Variants in GUCY1A2 observed in about 807,000 individuals in gnomAD.
GUCY1A2 encodes guanylate cyclase soluble subunit alpha-2.
A neutral mutation model predicts 63.5 loss-of-function variants in GUCY1A2; 27 were observed. The observed-to-expected ratio is 0.43, with a 90% confidence interval of 0.31 to 0.59. The LOEUF (loss-of-function observed/expected upper bound fraction) is 0.59, where lower values mean the gene tolerates loss of function less well. GUCY1A2 is among the 20% of genes least tolerant of loss of function. GUCY1A2 has a pLI of 0.11. For synonymous variants in GUCY1A2, 364 were observed against 343.5 expected (o/e 1.06, Z -0.66); for missense variants, 768 against 913.3 (o/e 0.84, Z 2.05).
intron 1 of GUCY1A2, among the ~76,000 whole-genome samples, chr11:107,006,483 C>T (rs1861672517): frequency 6.6e-6 from 1 of 152,170 alleles, no homozygotes; most frequent in Non-Finnish European, 1.5e-5. Context: ...GGCTGATAGG[C>T]ATTTTTCAAG....
intron 4 of GUCY1A2, among the ~76,000 whole-genome samples, chr11:106,903,628 G>C (rs1860164439): frequency 6.6e-6 from 1 of 152,146 alleles, no homozygotes; most frequent in Admixed American, 6.6e-5. Flanking sequence ...TATCCGAACA[G>C]AGAGTCATGC....
intron 4 of GUCY1A2, among the ~76,000 whole-genome samples, chr11:106,910,189 A>G (rs561798784): frequency 1.3e-5 from 2 of 152,142 alleles, no homozygotes; most frequent in African/African-American, 4.8e-5. Context: ...GCCATAGTAA[A>G]TAATGTTTTC....
At chr11:106,869,057 G>A (rs1415252063) in intron 4 of GUCY1A2, among the ~76,000 whole-genome samples, 2 of 152,182 alleles carry the variant, frequency 1.3e-5, no homozygotes, top group African/African-American at 4.8e-5. Flanking sequence ...CTAGCCATAT[G>A]TAGAAAGCTG....
At chr11:106,847,402 T>C (rs1859291171) in intron 4 of GUCY1A2, among the ~76,000 whole-genome samples, 1 of 151,410 alleles carries the variant, frequency 6.6e-6, no homozygotes, top group Admixed American at 6.6e-5. Flanking sequence ...AAGAAATAAA[T>C]AGGATCTTAC....
intron 1 of GUCY1A2, among the ~76,000 whole-genome samples, chr11:106,998,862 T>G (rs1861574926): frequency 6.6e-6 from 1 of 152,228 alleles, no homozygotes; most frequent in East Asian, 1.9e-4. Flanking sequence ...AAATGCTATA[T>G]ATTATTATTT....
At chr11:106,848,014 G>T (rs906294795) in intron 4 of GUCY1A2, among the ~76,000 whole-genome samples, 1 of 151,512 alleles carries the variant, frequency 6.6e-6, no homozygotes, top group African/African-American at 2.4e-5. Context: ...TCTGGACACT[G>T]ATTACTTAAA....
intron 5 of GUCY1A2, among the ~76,000 whole-genome samples, chr11:106,778,663 CAA>C (rs999087028): frequency 6.9e-6 from 1 of 144,374 alleles, no homozygotes; most frequent in African/African-American, 2.5e-5. Context: ...TCCATCATCT[CAA>C]AAAAAAAAGA....
At chr11:106,827,859 C>T in intron 4 of GUCY1A2, 1 of 1,599,308 alleles carries the variant, frequency 6.3e-7, no homozygotes, top group Non-Finnish European at 8.6e-7. Context: ...CATGAACTTC[C>T]CTGCAGTCAT....
chr11:106,682,738 CT>C lies in GUCY1A2; in HGVS notation c.*4810del, dbSNP rs1244827388. ...TAAAAATATTAATCACTTTATAAAA[CT>C]ATTTTAGAATATGGGATTAGCTGTG... is the stretch of plus-strand genomic sequence containing the variant. On this transcript the variant is annotated 3_prime_UTR_variant, in exon 8 of 8. Coordinates refer to ENST00000526355, the MANE Select transcript of GUCY1A2 (RefSeq NM_000855.3). 1 of 209,694 alleles carries C rather than the reference CT, an allele frequency of 4.8e-6. No homozygotes were observed. Among genetic ancestry groups the C allele is most frequent in the Non-Finnish European group, 9.7e-6 (1 of 103,176 alleles). The allele number at this position is 209,694 out of a possible 1,614,324, so 13.0% of individuals were successfully genotyped here. A position where few individuals can be genotyped will look rare whatever the true frequency, so the allele number is the denominator to read the frequency against.
intron 3 of GUCY1A2, among the ~76,000 whole-genome samples, chr11:106,969,766 A>G (rs1357815290): frequency 3.9e-5 from 6 of 152,144 alleles, no homozygotes; most frequent in Admixed American, 3.9e-4. Flanking sequence ...CTGTTTGGTA[A>G]CAGAAGCAGT....
chr11:106,830,844 C>A (rs1859040940), intron 4 of GUCY1A2, among the ~76,000 whole-genome samples: 1 of 152,108 alleles, frequency 6.6e-6, no homozygotes, highest in African/African-American at 2.4e-5. Flanking sequence ...AAGCATAGGC[C>A]AGTACCCACA....
At chr11:106,901,891 G>T (rs1340640463) in intron 4 of GUCY1A2, among the ~76,000 whole-genome samples, 1 of 152,032 alleles carries the variant, frequency 6.6e-6, no homozygotes, top group Non-Finnish European at 1.5e-5. Context: ...TATCACTGAC[G>T]GACATTTTGG....
chr11:106,789,630 G>C (rs1278843996), intron 5 of GUCY1A2, among the ~76,000 whole-genome samples: 1 of 152,108 alleles, frequency 6.6e-6, no homozygotes, highest in Non-Finnish European at 1.5e-5. Flanking sequence ...TGTCCTTCTT[G>C]GGAAGGCTTT....
At chr11:106,811,974 C>A (rs1858767819) in intron 4 of GUCY1A2, among the ~76,000 whole-genome samples, 1 of 151,930 alleles carries the variant, frequency 6.6e-6, no homozygotes, top group African/African-American at 2.4e-5. Context: ...CTAAAATAGG[C>A]TCTCAAAATA....
At chr11:106,957,629 CGA>C (rs1565343533) in intron 3 of GUCY1A2, among the ~76,000 whole-genome samples, 1 of 151,808 alleles carries the variant, frequency 6.6e-6, no homozygotes, top group South Asian at 2.1e-4. Context: ...TCAATTTTGG[CGA>C]GAGAACCTGA....
At chr11:106,734,573 G>T (rs1165742386) in intron 6 of GUCY1A2, among the ~76,000 whole-genome samples, 2 of 152,040 alleles carry the variant, frequency 1.3e-5, no homozygotes, top group Non-Finnish European at 2.9e-5. Flanking sequence ...TAAAATATTT[G>T]ACTGATTTAG....
intron 6 of GUCY1A2, among the ~76,000 whole-genome samples, chr11:106,750,096 C>T (rs1366136804): frequency 6.6e-6 from 1 of 152,096 alleles, no homozygotes; most frequent in African/African-American, 2.4e-5. Flanking sequence ...GACAGTGCAG[C>T]CTTCAGTCTG....
At position 106,687,699 on chromosome 11, in the gene GUCY1A2, T is replaced by C. The variant is rs369537551; in HGVS notation, c.2049A>G (p.Pro683=). 6.2e-7 allele frequency: 1 copy of C among 1,613,686 alleles called. No individual in the cohort carries two copies. The highest frequency in any genetic ancestry group is 8.5e-7 in the Non-Finnish European group (1 of 1,179,548). Residue 683 remains proline, a synonymous_variant, in exon 8 of 8, where the codon CCA becomes CCG. Transcript: ENST00000526355. Reference sequence around the variant, plus strand: ...CAGGAATTTCCTTTGGAAAGTTGTCTGGAAGCTCTTCACGAGACCGCGGAA... The same window carrying C: ...CAGGAATTTCCTTTGGAAAGTTGTCCGGAAGCTCTTCACGAGACCGCGGAA... ...TFIPRSREEL[P]DNFPKEIPGI...
intron 4 of GUCY1A2, among the ~76,000 whole-genome samples, chr11:106,900,232 G>A (rs1248587378): frequency 6.6e-6 from 1 of 152,122 alleles, no homozygotes; most frequent in East Asian, 1.9e-4. Flanking sequence ...CACCCAGGCT[G>A]GAGTACAGCG....
Sources: gnomAD v4.1 joint callset for allele counts (sites outside exome capture counted in the v4.1 genomes callset) on GRCh38, gnomAD v4.1.1 for gene constraint, MANE v1.5 for transcripts, NCBI Gene and HGNC (gene_info 2026-07-23, HGNC 2026-07-21) for gene names.